DCDC2C: variants seen among roughly 807,000 people sequenced by gnomAD.
The protein encoded by DCDC2C is doublecortin domain-containing protein 2C.
DCDC2C carries 44 observed loss-of-function variants against 45.0 expected under a neutral mutation model. The ratio of observed to expected loss-of-function variants is 0.98; its 90% CI spans 0.77 to 1.26. DCDC2C has a LOEUF of 1.26. DCDC2C is among the 50% of genes most tolerant of loss of function. The pLI is 0.00. For missense variants in DCDC2C, 447 were observed against 468.9 expected (o/e 0.95, Z 0.43); for synonymous variants, 187 against 178.8 (o/e 1.05, Z -0.37).
At chr2:3,843,468 G>A (rs758893031) in intron 10 of DCDC2C, among the ~76,000 whole-genome samples, 3 of 152,194 alleles carry the variant, frequency 2.0e-5, no homozygotes, top group Non-Finnish European at 2.9e-5. Context: ...CTTTTCAAGT[G>A]TTATTTCAAA....
intron 4 of DCDC2C, among the ~76,000 whole-genome samples, chr2:3,742,815 A>C (rs1382895821): frequency 2.0e-5 from 3 of 152,196 alleles, no homozygotes; most frequent in Admixed American, 6.5e-5. Flanking sequence ...TTGTGAGGGA[A>C]GTGGCCAGCC....
intron 2 of DCDC2C, among the ~76,000 whole-genome samples, chr2:3,720,866 T>C (rs1668480681): frequency 6.6e-6 from 1 of 152,208 alleles, no homozygotes; most frequent in Non-Finnish European, 1.5e-5. Flanking sequence ...TTTGATAGAA[T>C]TTACCAGTGG....
At chr2:3,773,287 A>T (rs1190191497) in intron 8 of DCDC2C, among the ~76,000 whole-genome samples, 1 of 151,228 alleles carries the variant, frequency 6.6e-6, no homozygotes, top group Non-Finnish European at 1.5e-5. Context: ...TCCTTTCTTG[A>T]GTTTTTATTT....
chr2:3,768,354 A>G (rs1670069393), intron 7 of DCDC2C, among the ~76,000 whole-genome samples: 1 of 152,166 alleles, frequency 6.6e-6, no homozygotes, highest in Non-Finnish European at 1.5e-5. Flanking sequence ...CTCTGCTACT[A>G]TTACTAACTC....
chr2:3,840,616 C>T (rs1444121859), intron 10 of DCDC2C, among the ~76,000 whole-genome samples: 4 of 152,192 alleles, frequency 2.6e-5, no homozygotes, highest in African/African-American at 9.7e-5. Flanking sequence ...ATCCATACAT[C>T]TTACATTAAA....
chr2:3,816,023 T>G (rs1313489508), intron 10 of DCDC2C, among the ~76,000 whole-genome samples: 1 of 113,544 alleles, frequency 8.8e-6, no homozygotes, highest in Non-Finnish European at 2.4e-5. Context: ...TATGGAGAGA[T>G]AACGGGTGAT....
chr2:3,805,950 A>G (rs1671232857), intron 10 of DCDC2C, among the ~76,000 whole-genome samples: 1 of 151,810 alleles, frequency 6.6e-6, no homozygotes, highest in Admixed American at 6.6e-5. Context: ...GCACCCTCAG[A>G]CTCCCCAGTA....
intron 3 of DCDC2C, among the ~76,000 whole-genome samples, chr2:3,739,625 T>C (rs1669141088): frequency 6.6e-6 from 1 of 152,202 alleles, no homozygotes; most frequent in Non-Finnish European, 1.5e-5. Context: ...GAGGCCTGAC[T>C]CCAGGGAAAA....
chr2:3,724,590 A>G (rs1668586094), intron 2 of DCDC2C, among the ~76,000 whole-genome samples: 1 of 152,156 alleles, frequency 6.6e-6, no homozygotes, highest in Admixed American at 6.5e-5. Context: ...TTCGTAGATG[A>G]CATTTACTCA....
chr2:3,765,290 G>A (rs1036440088), intron 6 of DCDC2C, among the ~76,000 whole-genome samples: 1 of 152,132 alleles, frequency 6.6e-6, no homozygotes, highest in Non-Finnish European at 1.5e-5. Flanking sequence ...TTGAACACAC[G>A]CACATATTGA....
chr2:3,822,012 A>G (rs1671699167), intron 10 of DCDC2C, among the ~76,000 whole-genome samples: 1 of 152,220 alleles, frequency 6.6e-6, no homozygotes. Flanking sequence ...CCCCTAGTCT[A>G]CTAATCGACC....
chr2:3,707,096 C>T (rs896804487), intron 1 of DCDC2C, among the ~76,000 whole-genome samples: 2 of 152,156 alleles, frequency 1.3e-5, no homozygotes, highest in African/African-American at 4.8e-5. Flanking sequence ...ACCTACTCCC[C>T]GCCCACCTCA....
intron 10 of DCDC2C, among the ~76,000 whole-genome samples, chr2:3,841,419 A>G (rs372530797): frequency 1.3e-5 from 2 of 149,526 alleles, no homozygotes; most frequent in South Asian, 4.2e-4. Flanking sequence ...TATATTACAT[A>G]ATATATTAAT....
chr2:3,770,826 T>G (rs184632204), intron 8 of DCDC2C, among the ~76,000 whole-genome samples: 18 of 152,304 alleles, frequency 1.2e-4, no homozygotes, highest in African/African-American at 3.8e-4. Flanking sequence ...TGATTCTGAT[T>G]TCCATCGACT....
intron 2 of DCDC2C, among the ~76,000 whole-genome samples, chr2:3,725,019 G>A (rs2148068741): frequency 6.6e-6 from 1 of 152,260 alleles, no homozygotes; most frequent in Non-Finnish European, 1.5e-5. Flanking sequence ...TTGGAGGGGA[G>A]GGTGTGGATT....
intron 8 of DCDC2C, among the ~76,000 whole-genome samples, chr2:3,773,810 C>T (rs1463633764): frequency 6.6e-6 from 1 of 152,220 alleles, no homozygotes; most frequent in Non-Finnish European, 1.5e-5. Flanking sequence ...CATCCTTCCC[C>T]AGGTGGTAAG....
intron 10 of DCDC2C, among the ~76,000 whole-genome samples, chr2:3,815,489 G>A (rs921466299): frequency 1.2e-4 from 19 of 152,242 alleles, no homozygotes; most frequent in Admixed American, 2.6e-4. Context: ...TCTTGACCCC[G>A]CCCCTTCTGG....
intron 2 of DCDC2C, among the ~76,000 whole-genome samples, chr2:3,720,342 G>A (rs539218623): frequency 1.3e-5 from 2 of 152,216 alleles, no homozygotes; most frequent in African/African-American, 2.4e-5. Flanking sequence ...GTCTCTGTGA[G>A]GTTTTCAGAG....
chr2:3,703,940 C>T lies in DCDC2C; in HGVS notation c.189C>T (p.Leu63=), dbSNP rs570029046. The change falls in exon 1 of 11, where the codon CTC becomes CTT. Residue 63 remains leucine, a synonymous_variant. Coordinates refer to ENST00000399143, the MANE Select transcript of DCDC2C (RefSeq NM_001287444.2). The surrounding 1 kb of genome is among the most constrained non-coding windows in gnomAD (Gnocchi z 4.4). ...ACGTCCCGTTCGGCGTGCGCCGCCT[C>T]TTCACGCCCACGCGTGGGCACCGGG... is the stretch of plus-strand genomic sequence containing the variant. The part of the protein sequence containing the change: ...QVDVPFGVRR[L]FTPTRGHRVL... 38 of 1,329,086 alleles carry T rather than the reference C, an allele frequency of 2.9e-5. No individual in the cohort carries two copies. In the South Asian group the frequency reaches 6.4e-4, roughly 22 times the overall value. The allele number at this position is 1,329,086 out of a possible 1,614,324, so 82.3% of individuals were successfully genotyped here. A position where few individuals can be genotyped will look rare whatever the true frequency, so the allele number is the denominator to read the frequency against.
Sources: allele counts gnomAD v4.1 joint callset (sites outside exome capture counted in the v4.1 genomes callset), GRCh38; gene constraint gnomAD v4.1.1; non-coding constraint Gnocchi (gnomAD v3.1); transcripts MANE v1.5; gene names NCBI Gene and HGNC (gene_info 2026-07-23, HGNC 2026-07-21).